The following IL31RA variants were observed in gnomAD, a reference collection of about 807,000 sequenced individuals.
IL31RA encodes interleukin 31 receptor A.
IL31RA carries 66 observed loss-of-function variants against 83.7 expected under a neutral mutation model. That is an observed-to-expected ratio of 0.79 (90% CI 0.65 to 0.97). The LOEUF (loss-of-function observed/expected upper bound fraction) is 0.97, where lower values mean the gene tolerates loss of function less well. Among genes scored for constraint, IL31RA ranks in the 50% least tolerant of loss-of-function variants. The pLI, the probability that IL31RA is intolerant of heterozygous loss-of-function variation, is 0.00. For synonymous variants in IL31RA, 325 were observed against 329.0 expected (o/e 0.99, Z 0.13); for missense variants, 798 against 919.4 (o/e 0.87, Z 1.71).
At chr5:55,846,567 G>C (rs182720613), upstream of IL31RA, among the ~76,000 whole-genome samples, 26 of 152,288 alleles carry the variant, frequency 1.7e-4, no homozygotes, top group Admixed American at 2.6e-4. Context: ...AAAATTCTGA[G>C]GTGGGCGGAT....
At chr5:55,891,034 A>G (rs1490282359) in intron 6 of IL31RA, among the ~76,000 whole-genome samples, 4 of 152,208 alleles carry the variant, frequency 2.6e-5, no homozygotes, top group Non-Finnish European at 4.4e-5. Context: ...ATTTTTTAGT[A>G]TTATTTTAAA....
rs1402123866 is a variant in IL31RA at position 55,918,813 on chromosome 5, C to A, written c.*1693C>A. On this transcript the variant is annotated 3_prime_UTR_variant, in exon 15 of 15. Coordinates refer to ENST00000652347, the MANE Select transcript of IL31RA (RefSeq NM_139017.7). ...CTGCAGCCACCCCCCCACCACCCACCCAGGACTCAGTACTCCTGGTTTACG... is the reference window on the plus strand; with the variant it reads ...CTGCAGCCACCCCCCCACCACCCACACAGGACTCAGTACTCCTGGTTTACG... Among the ~76,000 whole-genome samples the A allele has an allele frequency of 6.6e-6, 1 of 152,122 alleles. No individual in the cohort carries two copies. Among genetic ancestry groups the A allele is most frequent in the African/African-American group, 2.4e-5 (1 of 41,406 alleles).
intron 2 of IL31RA, among the ~76,000 whole-genome samples, chr5:55,868,223 C>T (rs1276298367): frequency 6.6e-6 from 1 of 152,022 alleles, no homozygotes; most frequent in East Asian, 1.9e-4. Flanking sequence ...GATCTAGGTC[C>T]CTGTTCTAGA....
chr5:55,862,642 C>T (rs189179836), intron 2 of IL31RA, among the ~76,000 whole-genome samples: 4 of 152,260 alleles, frequency 2.6e-5, no homozygotes, highest in African/African-American at 9.6e-5. Flanking sequence ...CTCCTGAACT[C>T]GTGATCCGCC....
chr5:55,865,735 A>G (rs1156934617), intron 2 of IL31RA, among the ~76,000 whole-genome samples: 2 of 152,204 alleles, frequency 1.3e-5, no homozygotes, highest in African/African-American at 4.8e-5. Flanking sequence ...AAGTCAGGCA[A>G]GGGTGAGAAA....
intron 5 of IL31RA, among the ~76,000 whole-genome samples, chr5:55,888,995 GC>G (rs1206530589): frequency 1.6e-4 from 24 of 152,118 alleles, no homozygotes; most frequent in Admixed American, 1.6e-3. Context: ...TCCTTCTCTT[GC>G]AGGATCCATG....
At chr5:55,914,664 T>C (rs1449954172) in intron 13 of IL31RA, among the ~76,000 whole-genome samples, 183 bp from the exon 14 acceptor site, 1 of 152,114 alleles carries the variant, frequency 6.6e-6, no homozygotes, top group African/African-American at 2.4e-5. Flanking sequence ...GAACTTGCAA[T>C]GTCACCCCCC....
chr5:55,898,898 C>A (rs1369890130), intron 7 of IL31RA, among the ~76,000 whole-genome samples: 1 of 152,066 alleles, frequency 6.6e-6, no homozygotes, highest in East Asian at 1.9e-4. Flanking sequence ...GTGGTGCACA[C>A]CTGTAATCCC....
intron 12 of IL31RA, among the ~76,000 whole-genome samples, chr5:55,912,131 T>A (rs1325174293): frequency 6.6e-6 from 1 of 152,192 alleles, no homozygotes; most frequent in Admixed American, 6.5e-5. Flanking sequence ...CCTAGAAGTT[T>A]CCTACCCTGG....
At chr5:55,904,835 CTTTTTTTT>C (rs10651049) in intron 8 of IL31RA, among the ~76,000 whole-genome samples, 1 of 132,894 alleles carries the variant, frequency 7.5e-6, no homozygotes, top group Non-Finnish European at 1.6e-5. Context: ...TTTTGGGTTT[CTTTTTTTT>C]TTTTTTTTTG....
intron 11 of IL31RA, chr5:55,909,008 C>G (rs919084134): frequency 5.3e-6 from 3 of 567,206 alleles, no homozygotes; most frequent in Non-Finnish European, 7.0e-6. Flanking sequence ...CTATTTCTGC[C>G]CAAATAGAAG....
chr5:55,903,511 G>T lies in IL31RA; in HGVS notation c.1070-2595G>T, dbSNP rs1278623300. On this transcript the variant is annotated intron_variant, in intron 8 of 14. Transcript: ENST00000652347. The surrounding 1 kb of genome is among the most constrained non-coding windows in gnomAD (Gnocchi z 4.7). ...ATGACTTGGAAATTCCCCTTTTGGC[G>T]CCCCTTGGTGTGGCCAGGCTTTCCC... Among the ~76,000 whole-genome samples the T allele has an allele frequency of 6.6e-6, 1 of 152,112 alleles. No individual in the cohort carries two copies. Among genetic ancestry groups the T allele is most frequent in the African/African-American group, 2.4e-5 (1 of 41,400 alleles).
chr5:55,862,103 G>A (rs1745723767), intron 2 of IL31RA, among the ~76,000 whole-genome samples: 1 of 152,138 alleles, frequency 6.6e-6, no homozygotes, highest in South Asian at 2.1e-4. Flanking sequence ...TATTGCTATG[G>A]TTCGTATTTT....
chr5:55,916,664 G>C lies in IL31RA; in HGVS notation c.1839G>C (p.Glu613Asp). ...DDFKDKLNLK[E>D]SDDSVNTEDR... is the part of the protein sequence containing the mutation. Reference sequence around the variant, plus strand: ...TCCAGGATAAGCTAAACCTGAAGGAGTCTGATGACTCTGTGAACACAGAAG... The same window carrying C: ...TCCAGGATAAGCTAAACCTGAAGGACTCTGATGACTCTGTGAACACAGAAG... Residue 613 changes from glutamate (E) to aspartate (D), a missense_variant, in exon 15 of 15, where the codon GAG becomes GAC. By Grantham distance (45) the Glu-to-Asp change is conservative (BLOSUM62 2). Coordinates refer to ENST00000652347, the MANE Select transcript of IL31RA (RefSeq NM_139017.7). The C allele has an allele frequency of 6.2e-7, 1 of 1,614,160 alleles. No homozygotes were observed. Among genetic ancestry groups the C allele is most frequent in the Admixed American group, 1.7e-5 (1 of 60,020 alleles).
At chr5:55,913,320 G>A (rs1156640354) in intron 12 of IL31RA, among the ~76,000 whole-genome samples, 157 bp from the exon 13 acceptor site, 2 of 152,108 alleles carry the variant, frequency 1.3e-5, no homozygotes, top group African/African-American at 2.4e-5. Context: ...TCAAACTCCT[G>A]ACCTGGGGTT....
chr5:55,866,130 G>A lies in IL31RA; in HGVS notation c.155-2661G>A, dbSNP rs570573327. On this transcript the variant is annotated intron_variant, in intron 2 of 14. Transcript: ENST00000652347. ...GGTCCCGTCTCACAGCTGTATCCTC[G>A]CCCCTGACTTTGAGGGCACAGGGAA... 5.9e-5 allele frequency among the ~76,000 whole-genome samples: 9 copies of A among 152,196 alleles called. No homozygotes were observed. The South Asian group carries it at 1.5e-3, about 25-fold the overall frequency.
intron 2 of IL31RA, among the ~76,000 whole-genome samples, chr5:55,866,158 T>A (rs911622242): frequency 7.9e-5 from 12 of 152,104 alleles, no homozygotes; most frequent in African/African-American, 2.7e-4. Flanking sequence ...ACAGGGAAAT[T>A]TCTGGATCCC....
chr5:55,868,262 G>C (rs1237091516), intron 2 of IL31RA, among the ~76,000 whole-genome samples: 2 of 152,190 alleles, frequency 1.3e-5, no homozygotes, highest in Admixed American at 1.3e-4. Context: ...CTATGAAAGT[G>C]TGGATGCTAT....
At chr5:55,858,588 A>G (rs1230013493) in intron 1 of IL31RA, among the ~76,000 whole-genome samples, 1 of 151,196 alleles carries the variant, frequency 6.6e-6, no homozygotes, top group Non-Finnish European at 1.5e-5. Context: ...CTGCATGCAC[A>G]TTTTTCTAAA....
Sources: gnomAD v4.1 joint callset for allele counts (sites outside exome capture counted in the v4.1 genomes callset) on GRCh38, gnomAD v4.1.1 for gene constraint, Gnocchi (gnomAD v3.1) non-coding constraint, MANE v1.5 for transcripts, NCBI Gene and HGNC (gene_info 2026-07-23, HGNC 2026-07-21) for gene names.